The following EFS variants were observed in gnomAD, a reference collection of about 807,000 sequenced individuals.
The protein encoded by EFS is Cas scaffolding protein family member 3.
EFS carries 34 observed loss-of-function variants against 42.2 expected under a neutral mutation model. The observed-to-expected ratio is 0.81, with a 90% CI of 0.61 to 1.07. EFS has a LOEUF of 1.07. Ranked by LOEUF, EFS falls within the 50% of genes least tolerant of loss-of-function variation. EFS has a pLI of 0.00. For synonymous variants in EFS, 299 were observed against 320.7 expected, an observed-to-expected ratio of 0.93 and a Z score of 0.72; for missense variants, 717 against 729.4, an observed-to-expected ratio of 0.98 and a Z score of 0.20.
At chr14:23,357,777 G>A in intron 5 of EFS, 117 bp from the exon 6 acceptor site, 2 of 853,016 alleles carry the variant, frequency 2.3e-6, no homozygotes, top group Non-Finnish European at 3.4e-6. Flanking sequence ...TCTTACCTCT[G>A]CCCATCGGAA....
In EFS at chr14:23,357,383, G is replaced by A. The variant is rs751999889; in HGVS notation, c.1529C>T (p.Ala510Val). The change falls in exon 6 of 6, where the codon GCA (alanine) becomes GTA (valine). Residue 510 changes from alanine to valine, a missense_variant. Physicochemically the swap from Ala to Val is moderately conservative, Grantham distance 64. Transcript: ENST00000216733. ...AGTGGCCCGCAATGCCTGGCCCAGT[G>A]CTGTACCTGCAGCCCTGACCTGTGC... ...LRAQVRAAGT[A>V]LGQALRATVL... is the part of the protein sequence containing the mutation. The A allele has an allele frequency of 3.1e-6, 5 of 1,610,032 alleles. No homozygotes were observed. The highest frequency in any genetic ancestry group is 4.2e-6 in the Non-Finnish European group (5 of 1,177,226).
chr14:23,364,010 T>C (rs924274896), intron 1 of EFS, among the ~76,000 whole-genome samples: 7 of 151,112 alleles, frequency 4.6e-5, no homozygotes, highest in Admixed American at 1.3e-4. Flanking sequence ...TGGGAGGACA[T>C]TGGGTGGCTC....
At chr14:23,361,099 A>G (rs943706077) in intron 1 of EFS, among the ~76,000 whole-genome samples, 1 of 151,888 alleles carries the variant, frequency 6.6e-6, no homozygotes, top group African/African-American at 2.4e-5. Flanking sequence ...GTTTGTCTCC[A>G]CCTATTGTTT....
At position 23,365,138 on chromosome 14, in the gene EFS, G is replaced by T; in HGVS notation, c.-113C>A. ...TCTAGCCCCCAGCTGTGGCGCCTGA[G>T]TCGTGGCCTCCGCCAAGGTTGGAGG... On this transcript the variant is annotated 5_prime_UTR_variant, in exon 1 of 6. Coordinates refer to ENST00000216733, the MANE Select transcript of EFS (RefSeq NM_005864.4). This position sits in a 1 kb window ranked among gnomAD's most constrained non-coding sequence, Gnocchi z 5.3. 1 of 1,011,868 alleles carries T rather than the reference G, an allele frequency of 9.9e-7. No homozygotes were observed. 62.7% of individuals were successfully genotyped at this position (1,011,868 alleles called of 1,614,324 possible).
In EFS at chr14:23,360,616, G is replaced by A. The variant is rs756312267; in HGVS notation, c.236C>T (p.Ala79Val). 8.1e-6 allele frequency: 13 copies of A among 1,596,890 alleles called. No individual in the cohort carries two copies. Among genetic ancestry groups the A allele is most frequent in the South Asian group, 2.3e-5 (2 of 88,620 alleles). Residue 79 changes from alanine (A) to valine (V), a missense_variant, in exon 2 of 6, where the codon GCG becomes GTG. Transcript: ENST00000216733. ...GPAPKPSLSP[A>V]SPAQPGSPYP... ...TGGTGAGCCAGGCTGGGCTGGGGAC[G>A]CAGGAGAGAGGCTGGGCTTGGGTGC... is the stretch of plus-strand genomic sequence containing the variant.
At position 23,359,834 on chromosome 14, in the gene EFS, G is replaced by C. The variant is rs1890070408; in HGVS notation, c.644C>G (p.Pro215Arg). The C allele has an allele frequency of 6.6e-7, 1 of 1,524,840 alleles. No individual in the cohort carries two copies. Among genetic ancestry groups the C allele is most frequent in the Non-Finnish European group, 8.8e-7 (1 of 1,139,424 alleles). 94.5% of individuals were successfully genotyped at this position (1,524,840 alleles called of 1,614,324 possible). Reference protein sequence around the residue: ...EWEGGREPGPPIYAAPSNLKR... With the variant: ...EWEGGREPGPRIYAAPSNLKR... ...CAGGTTGGAGGGGGCAGCATAGATG[G>C]GGGGCCCCGGCTCCCGGCCTCCTTC... The change falls in exon 4 of 6, where the codon CCC (proline) becomes CGC (arginine). Residue 215 changes from proline (P) to arginine (R), a missense_variant. Transcript: ENST00000216733.
At chr14:23,358,489 C>T (rs1890001770) in intron 5 of EFS, among the ~76,000 whole-genome samples, 1 of 152,294 alleles carries the variant, frequency 6.6e-6, no homozygotes, top group South Asian at 2.1e-4. Context: ...CTGACGGCTT[C>T]AAAGCCCCTG....
chr14:23,365,090 G>T lies in EFS; in HGVS notation c.-65C>A. 1 of 1,256,144 alleles carries T rather than the reference G, an allele frequency of 8.0e-7. No individual in the cohort carries two copies. The highest frequency in any genetic ancestry group is 1.0e-6 in the Non-Finnish European group (1 of 988,990). 77.8% of individuals were successfully genotyped at this position (1,256,144 alleles called of 1,614,324 possible). ...GGTTTTGCTGACTTCAGCGGTGGCT[G>T]CCCCGCACCATGGTCCGCGGCCTCT... is the stretch of plus-strand genomic sequence containing the variant. On this transcript the variant is annotated 5_prime_UTR_variant, in exon 1 of 6. Coordinates refer to ENST00000216733, the MANE Select transcript of EFS (RefSeq NM_005864.4). The surrounding 1 kb of genome is among the most constrained non-coding windows in gnomAD (Gnocchi z 5.3).
chr14:23,360,313 G>A (rs1595027349), intron 2 of EFS, 32 bp from the exon 3 acceptor site: 1 of 1,588,366 alleles, frequency 6.3e-7, no homozygotes. Flanking sequence ...GGGTCAGGAG[G>A]AACGGAGGGG....
chr14:23,360,299 TG>T lies in EFS; in HGVS notation c.298-19del. The T allele has an allele frequency of 1.3e-6, 2 of 1,599,830 alleles. No individual in the cohort carries two copies. The highest frequency in any genetic ancestry group is 1.3e-5 in the African/African-American group (1 of 74,518). ...ACATACACCTGAGGGATCAAATAGA[TG>T]GGGGGTCAGGAGGAACGGAGGGGCC... On this transcript the variant is annotated intron_variant, in intron 2 of 5. Coordinates refer to ENST00000216733, the MANE Select transcript of EFS (RefSeq NM_005864.4).
rs1293396773 is a variant in EFS at position 23,356,537 on chromosome 14, T to G, written c.*689A>C. On this transcript the variant is annotated 3_prime_UTR_variant, in exon 6 of 6. Coordinates refer to ENST00000216733, the MANE Select transcript of EFS (RefSeq NM_005864.4). ...AGCAGAGAACTTGTCCAGTGAATAG[T>G]TGTTGAAGAAAGGAGTAAAATCTCC... is the stretch of plus-strand genomic sequence containing the variant. The G allele has an allele frequency of 6.6e-6, 1 of 152,194 alleles. No individual in the cohort carries two copies. The highest frequency in any genetic ancestry group is 2.4e-5 in the African/African-American group (1 of 41,436). 9.4% of individuals were successfully genotyped at this position (152,194 alleles called of 1,614,324 possible). A position where few individuals can be genotyped will look rare whatever the true frequency, so the allele number is the denominator to read the frequency against.
intron 1 of EFS, 36 bp from the exon 2 acceptor site, chr14:23,360,869 C>T (rs1166803527): frequency 3.2e-6 from 5 of 1,579,188 alleles, no homozygotes; most frequent in Non-Finnish European, 3.4e-6. Flanking sequence ...GAAGGGTCTT[C>T]AGACCCCTTT....
intron 1 of EFS, among the ~76,000 whole-genome samples, chr14:23,361,130 A>C (rs1890142146): frequency 6.6e-6 from 1 of 152,120 alleles, no homozygotes; most frequent in South Asian, 2.1e-4. Flanking sequence ...ACTTTATACT[A>C]TTTGTCTATT....
intron 1 of EFS, among the ~76,000 whole-genome samples, chr14:23,362,471 T>C (rs1214255208): frequency 6.6e-6 from 1 of 152,210 alleles, no homozygotes; most frequent in Non-Finnish European, 1.5e-5. Flanking sequence ...CGGCCTCTCA[T>C]GGCTGGGTGA....
chr14:23,360,350 G>C, intron 2 of EFS, 69 bp from the exon 3 acceptor site: 6 of 1,543,542 alleles, frequency 3.9e-6, no homozygotes, highest in Non-Finnish European at 5.2e-6. Context: ...GTCTGAGTGC[G>C]AGGAGCTTAG....
In EFS at chr14:23,359,541, G is replaced by T; in HGVS notation, c.937C>A (p.Pro313Thr). 6.6e-7 allele frequency: 1 copy of T among 1,522,166 alleles called. No individual in the cohort carries two copies. The highest frequency in any genetic ancestry group is 1.3e-5 in the South Asian group (1 of 77,680). The allele number at this position is 1,522,166 out of a possible 1,614,324, so 94.3% of individuals were successfully genotyped here. Residue 313 changes from proline to threonine, a missense_variant, in exon 4 of 6, where the codon CCT (proline) becomes ACT (threonine). By Grantham distance (38) the Pro-to-Thr change is conservative (BLOSUM62 -1). Coordinates refer to ENST00000216733, the MANE Select transcript of EFS (RefSeq NM_005864.4). Reference protein sequence around the residue: ...SRRPLPALPVPEAPSPSPVPS... With the variant: ...SRRPLPALPVTEAPSPSPVPS... ...ACTGGGGAGGGGCTGGGGGCCTCAG[G>T]GACAGGCAGGGCAGGCAGAGGGCGG...
rs1889919116 is a variant in EFS at position 23,356,729 on chromosome 14, G to A, written c.*497C>T. The A allele has an allele frequency of 6.6e-6, 1 of 152,374 alleles. No individual in the cohort carries two copies. The highest frequency in any genetic ancestry group is 1.9e-4 in the East Asian group (1 of 5,194). 9.4% of individuals were successfully genotyped at this position (152,374 alleles called of 1,614,324 possible). On this transcript the variant is annotated 3_prime_UTR_variant, in exon 6 of 6. Coordinates refer to ENST00000216733, the MANE Select transcript of EFS (RefSeq NM_005864.4). ...GCCCCAGCTCTCTCCGCCTTCTGTG[G>A]GGAGAAGCCCTCCGGTCTTTCCGAG...
Position 23,357,264 on chromosome 14 carries a change from G to A in EFS, c.1648C>T (p.Leu550=), listed in dbSNP as rs750062176. The part of the protein sequence containing the change: ...QCVTELAGQA[L]QFTTLLTSLA... Reference sequence around the variant, plus strand: ...CTAGTGAGCAGGGTAGTGAATTGCAGGGCCTGCCCTGCCAGTTCTGTTACA... The same window carrying A: ...CTAGTGAGCAGGGTAGTGAATTGCAAGGCCTGCCCTGCCAGTTCTGTTACA... Residue 550 remains leucine (L), a synonymous_variant, in exon 6 of 6, where the codon CTG becomes TTG. Coordinates refer to ENST00000216733, the MANE Select transcript of EFS (RefSeq NM_005864.4). 1 of 1,578,546 alleles carries A rather than the reference G, an allele frequency of 6.3e-7. No homozygotes were observed. Among genetic ancestry groups the A allele is most frequent in the South Asian group, 1.2e-5 (1 of 86,790 alleles).
In EFS at chr14:23,358,904, A is replaced by G. The variant is rs1288493246; in HGVS notation, c.1223T>C (p.Leu408Pro). 1 of 1,612,490 alleles carries G rather than the reference A, an allele frequency of 6.2e-7. No individual in the cohort carries two copies. The highest frequency in any genetic ancestry group is 2.2e-5 in the East Asian group (1 of 44,824). Reference protein sequence around the residue: ...PDQACTGDPELPERGMPAPQE... With the variant: ...PDQACTGDPEPPERGMPAPQE... The stretch of plus-strand genomic sequence containing the variant: ...CGGCGCCGGCATCCCCCTCTCGGGC[A>G]GTTCAGGATCCCCTGTGCAGGCCTG... The change falls in exon 5 of 6, where the codon CTG becomes CCG. Residue 408 changes from leucine to proline, a missense_variant. Physicochemically the swap from Leu to Pro is moderately conservative, Grantham distance 98 (BLOSUM62 -3). Coordinates refer to ENST00000216733, the MANE Select transcript of EFS (RefSeq NM_005864.4).
Sources: allele counts gnomAD v4.1 joint callset (sites outside exome capture counted in the v4.1 genomes callset), GRCh38; gene constraint gnomAD v4.1.1; non-coding constraint Gnocchi (gnomAD v3.1); transcripts MANE v1.5; gene names NCBI Gene and HGNC (gene_info 2026-07-23, HGNC 2026-07-21).